The following PCDH11X variants were observed in gnomAD, a reference collection of about 807,000 sequenced individuals.
The protein encoded by PCDH11X is protocadherin-11 X-linked.
In PCDH11X, 18 loss-of-function variants were observed where a neutral mutation model predicts 53.3. The observed-to-expected ratio is 0.34, with a 90% CI of 0.23 to 0.50. PCDH11X has a LOEUF of 0.50. PCDH11X is among the 20% of genes least tolerant of loss of function. The pLI is 0.98. For missense variants in PCDH11X, 570 were observed against 1,032.4 expected (o/e 0.55, Z 6.14); for synonymous variants, 279 against 393.3 (o/e 0.71, Z 3.44).
At chrX:91,814,099 T>A (rs180745308) in intron 4 of PCDH11X, among the ~76,000 whole-genome samples, 1 of 100,034 alleles carries the variant, frequency 1.0e-5, no homozygotes, top group Admixed American at 1.0e-4. Context: ...TGCTTTAATA[T>A]TTTCAACACA....
Position 92,245,448 on chromosome X carries a change from C to T in PCDH11X, c.3115-17666C>T, listed in dbSNP as rs780372269. Among the ~76,000 whole-genome samples, 3 of 112,274 alleles carry T rather than the reference C, an allele frequency of 2.7e-5. No homozygotes were observed. The South Asian group carries it at 1.1e-3, about 41-fold the overall frequency. On this transcript the variant is annotated intron_variant, in intron 7 of 10. Transcript: ENST00000682573. ...GAGAGACAAAATTATACAATGATAC[C>T]TCTATTAATGAAGAAAAAGTTGCCA...
At chrX:92,325,218 A>G (rs1160755531) in intron 8 of PCDH11X, among the ~76,000 whole-genome samples, 5 of 110,643 alleles carry the variant, frequency 4.5e-5, no homozygotes, top group Admixed American at 9.7e-5. Flanking sequence ...GTACACTCCT[A>G]AACTTGGCAA....
At chrX:92,479,685 A>G (rs765984706) in intron 10 of PCDH11X, among the ~76,000 whole-genome samples, 115 of 108,114 alleles carry the variant, frequency 1.1e-3, no homozygotes, top group Non-Finnish European at 2.0e-3. Flanking sequence ...TAGACCCTCA[A>G]TCTTTTCTGG....
chrX:92,600,627 G>A (rs1216821299), intron 10 of PCDH11X, among the ~76,000 whole-genome samples: 4 of 109,332 alleles, frequency 3.7e-5, no homozygotes, highest in Non-Finnish European at 3.8e-5. Context: ...CTAGGGCAGT[G>A]CAGAAGGGAA....
At chrX:91,825,618 G>T (rs1936894342) in intron 4 of PCDH11X, among the ~76,000 whole-genome samples, 1 of 110,421 alleles carries the variant, frequency 9.1e-6, no homozygotes, top group Admixed American at 9.5e-5. Context: ...AGATGGAAAT[G>T]CAGAAATCAC....
chrX:92,589,252 A>G (rs756718015), intron 10 of PCDH11X, among the ~76,000 whole-genome samples: 16 of 111,903 alleles, frequency 1.4e-4, no homozygotes, highest in Non-Finnish European at 3.0e-4. Context: ...ATTTGAAGGT[A>G]CAAAACTGAC....
At chrX:91,858,279 C>A (rs1233087269) in intron 5 of PCDH11X, among the ~76,000 whole-genome samples, 1 of 110,725 alleles carries the variant, frequency 9.0e-6, no homozygotes, top group Non-Finnish European at 1.9e-5. Context: ...GCTCATGAAA[C>A]AATTATTTTT....
chrX:92,247,377 T>C (rs2067371230), intron 7 of PCDH11X, among the ~76,000 whole-genome samples: 1 of 112,140 alleles, frequency 8.9e-6, no homozygotes, highest in South Asian at 3.7e-4. Flanking sequence ...AGTTAACTGA[T>C]GGAACAACCC....
chrX:91,911,270 CCT>C (rs1345846857), intron 6 of PCDH11X, among the ~76,000 whole-genome samples: 2 of 108,643 alleles, frequency 1.8e-5, no homozygotes, highest in Non-Finnish European at 3.8e-5. Flanking sequence ...GTTCTATTCC[CCT>C]GTTATTTCCA....
At chrX:92,237,684 C>G (rs1370240986) in intron 7 of PCDH11X, among the ~76,000 whole-genome samples, 4 of 111,146 alleles carry the variant, frequency 3.6e-5, no homozygotes, top group Admixed American at 1.9e-4. Flanking sequence ...AACAAGTACC[C>G]CCTTATCTCT....
chrX:92,480,567 A>G (rs1386184983), intron 10 of PCDH11X, among the ~76,000 whole-genome samples: 1 of 108,898 alleles, frequency 9.2e-6, no homozygotes. Context: ...TGGTTGTGGT[A>G]CAAGCTTGGT....
intron 10 of PCDH11X, among the ~76,000 whole-genome samples, chrX:92,514,717 C>T (rs139652259): frequency 3.7e-5 from 4 of 107,603 alleles, no homozygotes; most frequent in Non-Finnish European, 7.7e-5. Context: ...GGTGACAGAG[C>T]GTGACTACAT....
chrX:91,953,901 A>G (rs377459777), intron 6 of PCDH11X, among the ~76,000 whole-genome samples: 157 of 110,102 alleles, frequency 1.4e-3, no homozygotes, highest in African/African-American at 5.0e-3. Context: ...ATGACAACAT[A>G]ATAGTAAAGT....
At chrX:92,559,469 A>ACC (rs770529463) in intron 10 of PCDH11X, among the ~76,000 whole-genome samples, 1 of 107,796 alleles carries the variant, frequency 9.3e-6, no homozygotes, top group Non-Finnish European at 1.9e-5. Flanking sequence ...ACACACACAC[A>ACC]CCACTGTCAT....
chrX:91,956,139 A>G (rs954437681), intron 6 of PCDH11X, among the ~76,000 whole-genome samples: 31 of 111,059 alleles, frequency 2.8e-4, no homozygotes, highest in Non-Finnish European at 5.8e-4. Flanking sequence ...ATTTGAGCCT[A>G]TGTGTGTCTT....
chrX:92,326,639 TAG>T lies in PCDH11X; in HGVS notation c.3145-61072_3145-61071del, dbSNP rs1556365466. Among the ~76,000 whole-genome samples, 10 of 39,270 alleles carry T rather than the reference TAG, an allele frequency of 2.5e-4. 1 individual carries two copies. Among genetic ancestry groups the T allele is most frequent in the East Asian group, 4.4e-3 (2 of 451 alleles). 34.1% of individuals were successfully genotyped at this position (39,270 alleles called of 115,157 possible). A position where few individuals can be genotyped will look rare whatever the true frequency, so the allele number is the denominator to read the frequency against. On this transcript the variant is annotated intron_variant, in intron 8 of 10. Transcript: ENST00000682573. ...TTAATAAACTATATATATATATATA[TAG>T]AGAGAGAGAGAGAGAGAGAGAGAAA...
chrX:92,585,338 A>C (rs2148791434), intron 10 of PCDH11X, among the ~76,000 whole-genome samples: 1 of 108,564 alleles, frequency 9.2e-6, no homozygotes, highest in South Asian at 4.1e-4. Flanking sequence ...TCCTTTCCAA[A>C]TTCAAAAGCC....
intron 6 of PCDH11X, among the ~76,000 whole-genome samples, chrX:92,034,875 A>G (rs958156811): frequency 1.2e-4 from 13 of 108,671 alleles, no homozygotes; most frequent in Non-Finnish European, 1.9e-4. Context: ...CTCTGGTGGC[A>G]AGATTTAATT....
chrX:92,222,703 T>C (rs1490999354), intron 7 of PCDH11X, among the ~76,000 whole-genome samples: 4 of 112,085 alleles, frequency 3.6e-5, no homozygotes, highest in Non-Finnish European at 7.5e-5. Context: ...AGTTTCCAAA[T>C]GTATTTCATC....
Sources: gnomAD v4.1 joint callset for allele counts (sites outside exome capture counted in the v4.1 genomes callset) on GRCh38, gnomAD v4.1.1 for gene constraint, MANE v1.5 for transcripts, NCBI Gene and HGNC (gene_info 2026-07-23, HGNC 2026-07-21) for gene names.